The following CYP4X1 variants were observed in gnomAD, a reference collection of about 807,000 sequenced individuals.
CYP4X1 encodes cytochrome P450 family 4 subfamily X member 1.
CYP4X1 carries 44 observed loss-of-function variants against 57.9 expected under a neutral mutation model. That is an observed-to-expected ratio of 0.76 (90% confidence interval 0.60 to 0.98). The LOEUF (loss-of-function observed/expected upper bound fraction) is 0.98. Ranked by LOEUF, CYP4X1 falls within the 50% of genes least tolerant of loss-of-function variation. CYP4X1 has a pLI of 0.00. For synonymous variants in CYP4X1, 227 were observed against 228.6 expected, an observed-to-expected ratio of 0.99 and a Z score of 0.06; for missense variants, 532 against 623.9, an observed-to-expected ratio of 0.85 and a Z score of 1.57.
At chr1:46,970,715 T>C in the CYP4X1 span, among the ~76,000 whole-genome samples, 2 of 152,174 alleles carry the variant, frequency 1.3e-5, no homozygotes, top group African/African-American at 4.8e-5. Flanking sequence ...ATAATAGTCT[T>C]GTGGCACCTG....
chr1:47,002,739 A>T, the CYP4X1 span, among the ~76,000 whole-genome samples: 1 of 152,332 alleles, frequency 6.6e-6, no homozygotes, highest in African/African-American at 2.4e-5. Flanking sequence ...TATGTGTTAT[A>T]TGCTAAAAAG....
chr1:47,045,116 C>T (rs960196260), intron 8 of CYP4X1, among the ~76,000 whole-genome samples: 4 of 152,174 alleles, frequency 2.6e-5, no homozygotes, highest in South Asian at 4.2e-4. Context: ...TGAGCCACTG[C>T]GCCTGGCCAG....
the CYP4X1 span, among the ~76,000 whole-genome samples, chr1:46,988,653 G>A: frequency 5.9e-5 from 9 of 152,076 alleles, no homozygotes; most frequent in Non-Finnish European, 7.4e-5. Context: ...CTGGCAAACC[G>A]AATCCAGCAG....
chr1:47,024,017 G>A (rs1326778908), intron 1 of CYP4X1, 23 bp downstream of exon 1: 2 of 1,602,520 alleles, frequency 1.2e-6, no homozygotes, highest in Non-Finnish European at 8.5e-7. Context: ...GAGGAGGGAG[G>A]AAGGAGGAGG....
chr1:47,043,663 A>G (rs922999459), intron 8 of CYP4X1, among the ~76,000 whole-genome samples: 1 of 152,130 alleles, frequency 6.6e-6, no homozygotes, highest in Non-Finnish European at 1.5e-5. Context: ...ATTTTTGTAT[A>G]AGGTGAGAGA....
chr1:47,052,869 G>A (rs962035455), downstream of CYP4X1, among the ~76,000 whole-genome samples: 1 of 152,062 alleles, frequency 6.6e-6, no homozygotes, highest in African/African-American at 2.4e-5. Context: ...TCTGTGATTT[G>A]TCTGTACACT....
chr1:46,966,797 T>C, the CYP4X1 span, among the ~76,000 whole-genome samples: 1 of 152,254 alleles, frequency 6.6e-6, no homozygotes, highest in Non-Finnish European at 1.5e-5. Flanking sequence ...AGAGAATCAC[T>C]GTATTTAAGT....
chr1:46,968,961 G>A, the CYP4X1 span, among the ~76,000 whole-genome samples: 3 of 152,272 alleles, frequency 2.0e-5, no homozygotes, highest in African/African-American at 2.4e-5. Context: ...TTCTGAGCTC[G>A]AATTTGTGCT....
the CYP4X1 span, among the ~76,000 whole-genome samples, chr1:47,000,490 C>G: frequency 2.0e-5 from 3 of 152,080 alleles, no homozygotes; most frequent in Admixed American, 2.0e-4. Flanking sequence ...CTTGTTTTCA[C>G]TCATAGAAAC....
the CYP4X1 span, among the ~76,000 whole-genome samples, chr1:46,982,172 G>T: frequency 1.3e-5 from 2 of 152,090 alleles, no homozygotes; most frequent in African/African-American, 4.8e-5. Context: ...TAAAATTATT[G>T]TACTATGTTT....
the CYP4X1 span, among the ~76,000 whole-genome samples, chr1:46,976,223 A>C: frequency 6.6e-6 from 1 of 152,160 alleles, no homozygotes; most frequent in Non-Finnish European, 1.5e-5. Context: ...CTGTACCAGG[A>C]AAATTGGGAC....
chr1:46,975,966 T>C, the CYP4X1 span, among the ~76,000 whole-genome samples: 28 of 152,236 alleles, frequency 1.8e-4, no homozygotes, highest in African/African-American at 6.3e-4. Context: ...ATAATTCCAA[T>C]TGTGGGATCC....
downstream of CYP4X1, among the ~76,000 whole-genome samples, chr1:47,052,923 A>T (rs958302884): frequency 4.0e-5 from 6 of 151,154 alleles, no homozygotes; most frequent in Non-Finnish European, 8.9e-5. Context: ...TCTTTTTTTT[A>T]TTTTATTATT....
chr1:47,055,006 A>T (rs189473566), downstream of CYP4X1, among the ~76,000 whole-genome samples: 1 of 152,324 alleles, frequency 6.6e-6, no homozygotes, highest in Non-Finnish European at 1.5e-5. Context: ...CCAGTTTTCA[A>T]AGGGAATGCT....
chr1:46,963,126 T>C, the CYP4X1 span, among the ~76,000 whole-genome samples: 2 of 152,230 alleles, frequency 1.3e-5, no homozygotes, highest in African/African-American at 4.8e-5. Context: ...CTCCATCCCT[T>C]TATTTTGAGC....
Position 47,023,750 on chromosome 1 carries a change from C to T in CYP4X1, c.-68C>T, listed in dbSNP as rs749367940. On this transcript the variant is annotated 5_prime_UTR_variant, in exon 1 of 12. Coordinates refer to ENST00000371901, the MANE Select transcript of CYP4X1 (RefSeq NM_178033.2). The stretch of plus-strand genomic sequence containing the variant: ...GGGGTGGGCGACCCTACGCCAGCTC[C>T]GGGCGGGAGAAAGCCCACCCTCTCC... The T allele has an allele frequency of 1.3e-6, 2 of 1,550,602 alleles. No individual in the cohort carries two copies. Among genetic ancestry groups the T allele is most frequent in the Non-Finnish European group, 1.7e-6 (2 of 1,149,672 alleles).
chr1:46,999,532 T>G, the CYP4X1 span, among the ~76,000 whole-genome samples: 1,312 of 152,246 alleles, frequency 8.6e-3, 21 homozygotes, highest in African/African-American at 0.03. Flanking sequence ...CTTTTCACAT[T>G]GGTCCTTTGT....
downstream of CYP4X1, among the ~76,000 whole-genome samples, chr1:47,054,099 G>A (rs1644377131): frequency 1.3e-5 from 2 of 151,616 alleles, no homozygotes; most frequent in Admixed American, 6.6e-5. Flanking sequence ...TTTTGTATAA[G>A]GTGTAAGGAA....
chr1:46,961,453 A>AC, the CYP4X1 span: 2 of 763,440 alleles, frequency 2.6e-6, no homozygotes, highest in Non-Finnish European at 3.5e-6. Flanking sequence ...TTCTACACTC[A>AC]CCCACTCTGG....
Sources: allele counts gnomAD v4.1 joint callset (sites outside exome capture counted in the v4.1 genomes callset), GRCh38; gene constraint gnomAD v4.1.1; transcripts MANE v1.5; gene names NCBI Gene and HGNC (gene_info 2026-07-23, HGNC 2026-07-21).